The following NCOR2 variants were observed in gnomAD, a reference collection of about 807,000 sequenced individuals.
NCOR2 encodes CTG repeat protein 26.
A neutral mutation model predicts 262.9 loss-of-function variants in NCOR2; 81 were observed. The observed-to-expected ratio is 0.31, with a 90% CI of 0.26 to 0.37. The LOEUF (loss-of-function observed/expected upper bound fraction) is 0.37, where lower values mean the gene tolerates loss of function less well. Ranked by LOEUF, NCOR2 falls within the 10% of genes least tolerant of loss-of-function variation. The pLI, the probability that NCOR2 is intolerant of heterozygous loss-of-function variation, is 1.00. For missense variants in NCOR2, 3,385 were observed against 3,621.4 expected (o/e 0.93, Z 1.68); for synonymous variants, 1,659 against 1,559.3 (o/e 1.06, Z -1.51).
At chr12:124,411,408 G>C (rs1000352814) in intron 13 of NCOR2, among the ~76,000 whole-genome samples, 4 of 152,196 alleles carry the variant, frequency 2.6e-5, no homozygotes, top group Non-Finnish European at 5.9e-5. Context: ...CGGAGCCTCG[G>C]CCTCCCTGGG....
chr12:124,347,799 C>T (rs186785577), intron 30 of NCOR2, 26 bp downstream of exon 32: 7 of 1,552,962 alleles, frequency 4.5e-6, no homozygotes, highest in East Asian at 2.4e-5. Flanking sequence ...TTGGGGGCAA[C>T]GAGGGAGCAG....
intron 1 of NCOR2, among the ~76,000 whole-genome samples, chr12:124,545,481 C>G (rs1396395981): frequency 6.6e-6 from 1 of 152,218 alleles, no homozygotes. Context: ...TGTCCACACC[C>G]AATCCCTCCA....
chr12:124,412,805 G>A (rs2042653296), intron 13 of NCOR2, among the ~76,000 whole-genome samples: 1 of 152,254 alleles, frequency 6.6e-6, no homozygotes, highest in African/African-American at 2.4e-5. Flanking sequence ...TGTGGGGTGA[G>A]GGGTGCGGCC....
intron 1 of NCOR2, among the ~76,000 whole-genome samples, chr12:124,565,470 G>A (rs2052207386): frequency 6.6e-6 from 1 of 152,198 alleles, no homozygotes; most frequent in African/African-American, 2.4e-5. Context: ...TTCAATGGGC[G>A]GGGGCACCTG....
chr12:124,358,987 G>C (rs373020221), intron 22 of NCOR2, among the ~76,000 whole-genome samples: 1 of 152,262 alleles, frequency 6.6e-6, no homozygotes, highest in African/African-American at 2.4e-5. Flanking sequence ...AGGCACTGGG[G>C]CTGCAGACCA....
In NCOR2 at chr12:124,342,103, G is replaced by A. The variant is rs774329544; in HGVS notation, c.4937-29C>T. The A allele has an allele frequency of 5.0e-6, 8 of 1,585,678 alleles. No homozygotes were observed. In the Admixed American group the frequency reaches 1.2e-4, roughly 24 times the overall value. ...CGGGGCAGAGGGGAGCTCATGTGAG[G>A]CCAGCCATACCTAGGCCTGATGGTG... On this transcript the variant is annotated intron_variant, in intron 33 of 46. Transcript: ENST00000405201.
intron 1 of NCOR2, among the ~76,000 whole-genome samples, chr12:124,486,962 G>A (rs1031288899): frequency 6.6e-6 from 1 of 152,194 alleles, no homozygotes; most frequent in Non-Finnish European, 1.5e-5. Flanking sequence ...TGACTGGGGG[G>A]CCAGAGTAGA....
Position 124,347,814 on chromosome 12 carries a change from C to A in NCOR2, c.4072+11G>T. 6.4e-7 allele frequency: 1 copy of A among 1,558,170 alleles called. No individual in the cohort carries two copies. Among genetic ancestry groups the A allele is most frequent in the Non-Finnish European group, 8.7e-7 (1 of 1,150,276 alleles). ...TTGGGGGCAACGAGGGAGCAGGGAA[C>A]AGGGCAGTACCTTGTGTGATGGACC... On this transcript the variant is annotated intron_variant, in intron 30 of 46. Coordinates refer to ENST00000405201, the Ensembl canonical transcript of NCOR2.
Position 124,549,213 on chromosome 12 carries a change from C to G in NCOR2, c.-164-13602G>C, listed in dbSNP as rs954876761. Among the ~76,000 whole-genome samples the G allele has an allele frequency of 6.6e-6, 1 of 151,994 alleles. No homozygotes were observed. The highest frequency in any genetic ancestry group is 1.5e-5 in the Non-Finnish European group (1 of 68,006). On this transcript the variant is annotated intron_variant, in intron 1 of 32. Transcript: ENST00000458234. The surrounding 1 kb of genome is among the most constrained non-coding windows in gnomAD (Gnocchi z 4.4). ...TGGGTCACGAGATCACCGAGAGGAT[C>G]AGATGAATTCACGTGGCATGTGCCG...
Position 124,410,603 on chromosome 12 carries a change from A to G in NCOR2, c.1483-8042T>C, listed in dbSNP as rs370424665. ...GTGGGCCCATCCTGGCCCAGCCCCA[A>G]GCAGGCAGCAGGTTTGAAACAAGAT... On this transcript the variant is annotated intron_variant, in intron 13 of 46. Transcript: ENST00000405201. Among the ~76,000 whole-genome samples, 646 of 152,216 alleles carry G rather than the reference A, an allele frequency of 4.2e-3. 7 individuals carry two copies. The highest frequency in any genetic ancestry group is 0.015 in the African/African-American group (623 of 41,552).
At chr12:124,380,477 C>CACT (rs1246753756) in intron 17 of NCOR2, among the ~76,000 whole-genome samples, 1 of 152,204 alleles carries the variant, frequency 6.6e-6, no homozygotes, top group African/African-American at 2.4e-5. Flanking sequence ...GCTCTGCAAC[C>CACT]CCGCACACGT....
intron 5 of NCOR2, among the ~76,000 whole-genome samples, chr12:124,459,763 C>G (rs2046066141): frequency 3.9e-5 from 6 of 152,128 alleles, no homozygotes; most frequent in Admixed American, 3.3e-4. Context: ...CAGCCTCATG[C>G]CAAAAATTCC....
At chr12:124,422,278 T>G (rs900367046) in intron 12 of NCOR2, among the ~76,000 whole-genome samples, 5 of 152,176 alleles carry the variant, frequency 3.3e-5, no homozygotes, top group Admixed American at 6.5e-5. Context: ...CTCAGCAACC[T>G]GAGGCTCCTC....
intron 20 of NCOR2, among the ~76,000 whole-genome samples, chr12:124,371,127 G>T (rs889837718): frequency 6.6e-6 from 1 of 152,020 alleles, no homozygotes; most frequent in African/African-American, 2.4e-5. Context: ...GGAGAGGCTC[G>T]TAAAGGCCTT....
At chr12:124,356,708 G>C (rs1197179545) in exon 23 of NCOR2, 18 of 1,496,416 alleles carry the variant, frequency 1.2e-5, no homozygotes, top group Non-Finnish European at 1.4e-5. Flanking sequence ...ACCTCACGGG[G>C]GGGCACGGGG....
At chr12:124,385,797 T>C in exon 17 of NCOR2, 2 of 1,614,010 alleles carry the variant, frequency 1.2e-6, no homozygotes, top group Non-Finnish European at 8.5e-7. Context: ...CCTCTTCTTG[T>C]AGTTGAAGTA....
chr12:124,563,874 C>T (rs1419289924), intron 1 of NCOR2, among the ~76,000 whole-genome samples: 1 of 152,216 alleles, frequency 6.6e-6, no homozygotes, highest in Non-Finnish European at 1.5e-5. Context: ...GGCAGCTTTG[C>T]AAAGCAGGTC....
rs1387056931 is a variant in NCOR2, at chr12:124,566,814, C to A, written c.-165+494G>T. The stretch of plus-strand genomic sequence containing the variant: ...AGGAGGGACAAGGCTGGCTCTCCCC[C>A]TCGGCTGGTGAGAGACCCTCATGCG... On this transcript the variant is annotated intron_variant, in intron 1 of 32. Transcript: ENST00000458234. This position sits in a 1 kb window ranked among gnomAD's most constrained non-coding sequence, Gnocchi z 4.3. Among the ~76,000 whole-genome samples, 3 of 152,208 alleles carry A rather than the reference C, an allele frequency of 2.0e-5. No homozygotes were observed. Among genetic ancestry groups the A allele is most frequent in the Admixed American group, 6.5e-5 (1 of 15,284 alleles).
intron 4 of NCOR2, among the ~76,000 whole-genome samples, chr12:124,471,848 T>C (rs997703082): frequency 2.0e-5 from 3 of 152,242 alleles, no homozygotes; most frequent in Non-Finnish European, 4.4e-5. Context: ...ATTACAGGCA[T>C]CAGCCACCAT....
Sources: gnomAD v4.1 joint callset for allele counts (sites outside exome capture counted in the v4.1 genomes callset) on GRCh38, gnomAD v4.1.1 for gene constraint, Gnocchi (gnomAD v3.1) non-coding constraint, MANE v1.5 for transcripts, NCBI Gene and HGNC (gene_info 2026-07-23, HGNC 2026-07-21) for gene names.